UNC5B: variants seen among roughly 807,000 people sequenced by gnomAD.
The protein encoded by UNC5B is netrin receptor UNC5B.
Under a neutral mutation model 103.7 loss-of-function variants are expected in UNC5B, and 56 were observed. The observed-to-expected ratio is 0.54, with a 90% CI of 0.44 to 0.67. The LOEUF (loss-of-function observed/expected upper bound fraction) is 0.67, where lower values mean the gene tolerates loss of function less well. Ranked by LOEUF, UNC5B falls within the 30% of genes least tolerant of loss-of-function variation. The probability of loss-of-function intolerance (pLI) is 0.00; values close to 1 mark genes in which losing one functional copy is unlikely to be tolerated. For synonymous variants in UNC5B, 577 were observed against 542.0 expected, an observed-to-expected ratio of 1.06 and a Z score of -0.90; for missense variants, 1,194 against 1,284.5, an observed-to-expected ratio of 0.93 and a Z score of 1.08.
At chr10:71,256,851 A>G (rs914355803) in intron 1 of UNC5B, among the ~76,000 whole-genome samples, 3 of 152,254 alleles carry the variant, frequency 2.0e-5, no homozygotes, top group African/African-American at 7.2e-5. Context: ...GTCACACAGC[A>G]TGTTAGTTAC....
intron 1 of UNC5B, among the ~76,000 whole-genome samples, chr10:71,273,716 C>CG (rs1050164854): frequency 4.6e-5 from 7 of 152,224 alleles, no homozygotes; most frequent in African/African-American, 1.7e-4. Flanking sequence ...CACTCCTAGA[C>CG]GGGCGCCCTG....
At chr10:71,234,606 C>T (rs1227322337) in intron 1 of UNC5B, among the ~76,000 whole-genome samples, 3 of 152,250 alleles carry the variant, frequency 2.0e-5, no homozygotes, top group South Asian at 2.1e-4. Context: ...ACACACCTTC[C>T]CTTTGCAAGG....
chr10:71,286,711 A>T lies in UNC5B; in HGVS notation c.575A>T (p.Asp192Val). ...VAEVEWLKNEDVIDPTQDTNF... is the reference protein window; with the variant it reads ...VAEVEWLKNEVVIDPTQDTNF... ...CAGGTGGAATGGCTCAAGAATGAGG[A>T]TGTCATCGACCCCACCCAGGACACC... Residue 192 changes from aspartate to valine, a missense_variant, in exon 5 of 17, where the codon GAT (aspartate) becomes GTT (valine). Coordinates refer to ENST00000335350, the MANE Select transcript of UNC5B (RefSeq NM_170744.5). 1.9e-6 allele frequency: 3 copies of T among 1,614,074 alleles called. No homozygotes were observed. Among genetic ancestry groups the T allele is most frequent in the Middle Eastern group, 1.6e-4 (1 of 6,062 alleles).
Position 71,296,626 on chromosome 10 carries a change from T to C in UNC5B, c.2374T>C (p.Cys792Arg). Reference protein sequence around the residue: ...IWSGSQKALHCTFTLERHSLA... With the variant: ...IWSGSQKALHRTFTLERHSLA... The stretch of plus-strand genomic sequence containing the variant: ...GAGTGGCAGCCAGAAGGCCCTCCAC[T>C]GCACTTTCACCCTGGAGAGGCACAG... Residue 792 changes from cysteine (C) to arginine (R), a missense_variant, in exon 15 of 17, where the codon TGC becomes CGC. Coordinates refer to ENST00000335350, the MANE Select transcript of UNC5B (RefSeq NM_170744.5). 1 of 1,614,008 alleles carries C rather than the reference T, an allele frequency of 6.2e-7. No homozygotes were observed. The highest frequency in any genetic ancestry group is 8.5e-7 in the Non-Finnish European group (1 of 1,180,038).
rs894821723 is a variant in UNC5B at position 71,301,664 on chromosome 10, T to G, written c.*2387T>G. Reference sequence around the variant, plus strand: ...GTGCCATTCCCCTCGCAGGCTCTAATGTGCCCACATGTAGCCTGGCAGTCC... The same window carrying G: ...GTGCCATTCCCCTCGCAGGCTCTAAGGTGCCCACATGTAGCCTGGCAGTCC... On this transcript the variant is annotated 3_prime_UTR_variant, in exon 17 of 17. Coordinates refer to ENST00000335350, the MANE Select transcript of UNC5B (RefSeq NM_170744.5). 5 of 152,260 alleles carry G rather than the reference T, an allele frequency of 3.3e-5. No individual in the cohort carries two copies. The allele number at this position is 152,260 out of a possible 1,614,324, so 9.4% of individuals were successfully genotyped here.
chr10:71,299,584 G>C lies in UNC5B; in HGVS notation c.*307G>C. The C allele has an allele frequency of 3.5e-6, 1 of 288,560 alleles. No individual in the cohort carries two copies. The highest frequency in any genetic ancestry group is 6.5e-6 in the Non-Finnish European group (1 of 153,486). The allele number at this position is 288,560 out of a possible 1,614,324, so 17.9% of individuals were successfully genotyped here. ...GTTGGTTGGGGGCGGGCAGGCAGGA[G>C]GCCCTCCCTCCACCCCCCCACCCTC... On this transcript the variant is annotated 3_prime_UTR_variant, in exon 17 of 17. Transcript: ENST00000335350.
chr10:71,226,649 G>C (rs1217854080), intron 1 of UNC5B, among the ~76,000 whole-genome samples: 3 of 152,236 alleles, frequency 2.0e-5, no homozygotes, highest in Non-Finnish European at 2.9e-5. Flanking sequence ...CTGATCAGCA[G>C]CATCCAATTC....
chr10:71,281,415 A>C (rs1844925112), intron 2 of UNC5B, among the ~76,000 whole-genome samples: 1 of 151,182 alleles, frequency 6.6e-6, no homozygotes, highest in East Asian at 1.9e-4. Flanking sequence ...ATCTCGGCTC[A>C]CTGCAACCTC....
intron 1 of UNC5B, among the ~76,000 whole-genome samples, chr10:71,271,682 C>T (rs1178555286): frequency 6.6e-6 from 1 of 152,202 alleles, no homozygotes; most frequent in Non-Finnish European, 1.5e-5. Context: ...TGCCCTGGGG[C>T]CTCGACCCCA....
intron 1 of UNC5B, among the ~76,000 whole-genome samples, chr10:71,255,475 G>T (rs191584533): frequency 6.6e-5 from 10 of 152,258 alleles, no homozygotes; most frequent in Admixed American, 3.9e-4. Flanking sequence ...CTGATTATGG[G>T]GGGAGGGAAT....
chr10:71,290,857 C>T (rs1465267789), intron 8 of UNC5B, 58 bp from the exon 9 acceptor site: 3 of 1,537,160 alleles, frequency 2.0e-6, no homozygotes, highest in Non-Finnish European at 2.6e-6. Context: ...CAGGGCCTCC[C>T]TGATTGCCCC....
intron 8 of UNC5B, among the ~76,000 whole-genome samples, chr10:71,289,291 G>A (rs765476236): frequency 1.3e-5 from 2 of 152,236 alleles, no homozygotes; most frequent in Non-Finnish European, 2.9e-5. Context: ...AGAAATAGTA[G>A]AGCCAAGATT....
intron 1 of UNC5B, among the ~76,000 whole-genome samples, chr10:71,262,149 G>T (rs1844428163): frequency 6.6e-6 from 1 of 152,158 alleles, no homozygotes; most frequent in Admixed American, 6.5e-5. Context: ...CCCATAAAAA[G>T]GGAGTGGGGC....
At chr10:71,291,344 G>A in intron 9 of UNC5B, 88 bp from the exon 10 acceptor site, 1 of 1,518,766 alleles carries the variant, frequency 6.6e-7, no homozygotes, top group African/African-American at 1.4e-5. Flanking sequence ...GCCTTTCACA[G>A]CTGGACATTT....
intron 1 of UNC5B, among the ~76,000 whole-genome samples, chr10:71,263,887 A>G (rs1844468905): frequency 6.6e-6 from 1 of 152,166 alleles, no homozygotes; most frequent in African/African-American, 2.4e-5. Context: ...CTAGCTGCCC[A>G]AAGTCACCAA....
intron 1 of UNC5B, among the ~76,000 whole-genome samples, chr10:71,229,798 GGTGCATGAGGGCCCCGT>G (rs1451607960): frequency 6.6e-6 from 1 of 152,170 alleles, no homozygotes; most frequent in Non-Finnish European, 1.5e-5. Context: ...CCTATAAAGG[GGTGCATGAGGGCCCCGT>G]GTCCCTTGGC....
At chr10:71,294,060 C>A (rs772373561) in intron 13 of UNC5B, 127 bp downstream of exon 13, 9 of 856,782 alleles carry the variant, frequency 1.1e-5, no homozygotes, top group Non-Finnish European at 1.6e-5. Flanking sequence ...TATTAGGTCC[C>A]GCTTGCGACC....
chr10:71,295,063 T>G (rs1589205008), intron 13 of UNC5B, among the ~76,000 whole-genome samples: 1 of 152,318 alleles, frequency 6.6e-6, no homozygotes, highest in East Asian at 1.9e-4. Context: ...GTCCAGCTCC[T>G]TCATCTCCCA....
chr10:71,225,468 C>T (rs1843542671), intron 1 of UNC5B, among the ~76,000 whole-genome samples: 1 of 152,198 alleles, frequency 6.6e-6, no homozygotes, highest in Admixed American at 6.5e-5. Context: ...CTTTGTGCCC[C>T]CATACCCTGA....
Sources: gnomAD v4.1 joint callset for allele counts (sites outside exome capture counted in the v4.1 genomes callset) on GRCh38, gnomAD v4.1.1 for gene constraint, MANE v1.5 for transcripts, NCBI Gene and HGNC (gene_info 2026-07-23, HGNC 2026-07-21) for gene names.